TPCN1: variants seen among roughly 807,000 people sequenced by gnomAD.
The protein encoded by TPCN1 is two pore channel protein 1.
Under a neutral mutation model 108.8 loss-of-function variants are expected in TPCN1, and 52 were observed. That is an observed-to-expected ratio of 0.48 (90% CI 0.38 to 0.60). The LOEUF (loss-of-function observed/expected upper bound fraction) is 0.60, where lower values mean the gene tolerates loss of function less well. Ranked by LOEUF, TPCN1 falls within the 20% of genes least tolerant of loss-of-function variation. The pLI, the probability that TPCN1 is intolerant of heterozygous loss-of-function variation, is 0.00. For missense variants in TPCN1, 806 were observed against 1,072.8 expected (o/e 0.75, Z 3.47); for synonymous variants, 446 against 433.7 (o/e 1.03, Z -0.35).
chr12:113,292,863 A>C (rs1407639207), intron 25 of TPCN1, 71 bp from the exon 26 acceptor site: 3 of 1,547,384 alleles, frequency 1.9e-6, no homozygotes, highest in Non-Finnish European at 2.6e-6. Context: ...GGGGGCAAGG[A>C]GGTACGAGAC....
At chr12:113,242,204 T>C (rs1954167074) in intron 2 of TPCN1, among the ~76,000 whole-genome samples, 1 of 152,190 alleles carries the variant, frequency 6.6e-6, no homozygotes, top group Non-Finnish European at 1.5e-5. Flanking sequence ...AACTTGCGGT[T>C]TTGCCCATGC....
chr12:113,270,083 C>T (rs1566177875), intron 7 of TPCN1, among the ~76,000 whole-genome samples: 1 of 152,128 alleles, frequency 6.6e-6, no homozygotes, highest in East Asian at 1.9e-4. Flanking sequence ...GTAATCCCAG[C>T]TGCTTCGGAG....
rs770847356 is a variant in TPCN1 at position 113,268,774 on chromosome 12, C to T, written c.561C>T (p.Ala187=). ...TSVLVVQFVE[A]IVVLVRQMSH... ...TGCTGGTGGTGCAGTTTGTCGAGGC[C>T]ATCGTGGTGTTGGTACGGCAGATGT... Residue 187 remains alanine, a synonymous_variant, in exon 6 of 28, where the codon GCC becomes GCT. Transcript: ENST00000335509. The surrounding 1 kb of genome is among the most constrained non-coding windows in gnomAD (Gnocchi z 7.3). 16 of 1,613,962 alleles carry T rather than the reference C, an allele frequency of 9.9e-6. No homozygotes were observed. The East Asian group carries it at 3.3e-4, about 34-fold the overall frequency.
intron 2 of TPCN1, among the ~76,000 whole-genome samples, chr12:113,247,214 C>T (rs114519078): frequency 0.01 from 1,575 of 152,256 alleles, 30 homozygotes; most frequent in African/African-American, 0.036. Flanking sequence ...TTAGTTCCCA[C>T]GTGGAGGGTA....
chr12:113,277,548 A>G (rs1296199824), intron 12 of TPCN1, among the ~76,000 whole-genome samples, 184 bp downstream of exon 12: 3 of 152,210 alleles, frequency 2.0e-5, no homozygotes, highest in Non-Finnish European at 4.4e-5. Context: ...GCAAGTGACA[A>G]AAGTCCAACA....
In TPCN1 at chr12:113,273,090, T is replaced by C. The variant is rs1458699032; in HGVS notation, c.784-142T>C. ...AGGCCTCTGGACTGCATGTTTGCTCTTTCCTCTGCCTCCCTCAGGGATTCC... is the reference window on the plus strand; with the variant it reads ...AGGCCTCTGGACTGCATGTTTGCTCCTTCCTCTGCCTCCCTCAGGGATTCC... On this transcript the variant is annotated intron_variant, in intron 8 of 27. Transcript: ENST00000335509. This position sits in a 1 kb window ranked among gnomAD's most constrained non-coding sequence, Gnocchi z 4.0. The C allele has an allele frequency of 2.0e-5, 15 of 766,744 alleles. No homozygotes were observed. In the Admixed American group the frequency reaches 2.8e-4, roughly 15 times the overall value. The allele number at this position is 766,744 out of a possible 1,614,324, so 47.5% of individuals were successfully genotyped here.
In TPCN1 at chr12:113,298,583, A is replaced by C. The variant is rs1361713277; in HGVS notation, c.*2507A>C. The C allele has an allele frequency of 1.3e-5, 2 of 152,308 alleles. No individual in the cohort carries two copies. The highest frequency in any genetic ancestry group is 4.8e-5 in the African/African-American group (2 of 41,462). 9.4% of individuals were successfully genotyped at this position (152,308 alleles called of 1,614,324 possible). On this transcript the variant is annotated 3_prime_UTR_variant, in exon 28 of 28. Coordinates refer to ENST00000335509, the MANE Select transcript of TPCN1 (RefSeq NM_017901.6). ...ATTACTAAAAGAGCCTCTGCTTTGT[A>C]AACATGGCTGCTGCCTCTTGACTTC... is the stretch of plus-strand genomic sequence containing the variant.
rs1045389212 is a variant in TPCN1, at chr12:113,272,028, C to T, written c.749-630C>T. On this transcript the variant is annotated intron_variant, in intron 7 of 27. Coordinates refer to ENST00000335509, the MANE Select transcript of TPCN1 (RefSeq NM_017901.6). This position sits in a 1 kb window ranked among gnomAD's most constrained non-coding sequence, Gnocchi z 4.1. ...GCCAGGGCCAACCCCTCCCGGCCCT[C>T]GTGACTGCCTTGTCCTGAGTCATGG... Among the ~76,000 whole-genome samples, 3 of 152,218 alleles carry T rather than the reference C, an allele frequency of 2.0e-5. No homozygotes were observed. Among genetic ancestry groups the T allele is most frequent in the African/African-American group, 7.2e-5 (3 of 41,446 alleles).
intron 10 of TPCN1, among the ~76,000 whole-genome samples, chr12:113,275,642 G>A (rs534227751): frequency 1.3e-5 from 2 of 149,166 alleles, no homozygotes; most frequent in South Asian, 2.1e-4. Context: ...GCGCGATCTC[G>A]GCTCACTACA....
At chr12:113,265,766 G>C (rs1474160933) in intron 3 of TPCN1, among the ~76,000 whole-genome samples, 1 of 151,872 alleles carries the variant, frequency 6.6e-6, no homozygotes, top group East Asian at 1.9e-4. Flanking sequence ...CCAAAGTGTT[G>C]GGATTACAGG....
chr12:113,266,465 T>A lies in TPCN1; in HGVS notation c.414+109T>A. On this transcript the variant is annotated intron_variant, in intron 4 of 27. Coordinates refer to ENST00000335509, the MANE Select transcript of TPCN1 (RefSeq NM_017901.6). The surrounding 1 kb of genome is among the most constrained non-coding windows in gnomAD (Gnocchi z 4.2). ...GGAGGGCAAACACTGCAAACGGACTTAAAACAGAGAGATACGAGGTGGTCA... is the reference window on the plus strand; with the variant it reads ...GGAGGGCAAACACTGCAAACGGACTAAAAACAGAGAGATACGAGGTGGTCA... 1 of 1,418,030 alleles carries A rather than the reference T, an allele frequency of 7.1e-7. No homozygotes were observed. The highest frequency in any genetic ancestry group is 9.6e-7 in the Non-Finnish European group (1 of 1,039,412). 87.8% of individuals were successfully genotyped at this position (1,418,030 alleles called of 1,614,324 possible).
Position 113,277,031 on chromosome 12 carries a change from A to G in TPCN1, c.1055A>G (p.Gln352Arg). The G allele has an allele frequency of 8.1e-6, 13 of 1,613,514 alleles. No homozygotes were observed. Among genetic ancestry groups the G allele is most frequent in the Non-Finnish European group, 1.1e-5 (13 of 1,179,644 alleles). Residue 352 changes from glutamine (Q) to arginine (R), a missense_variant, in exon 11 of 28, where the codon CAG (glutamine) becomes CGG (arginine). Transcript: ENST00000335509. ...IQHAYRLLIS[Q>R]RRPAGISYRQ... ...CATGCCTACCGCCTGCTCATCAGCC[A>G]GAGGGTAGGAACTATGGGCCAGGGA...
In TPCN1 at chr12:113,291,038, C is replaced by T. The variant is rs1304154952; in HGVS notation, c.1959+40C>T. On this transcript the variant is annotated intron_variant, in intron 23 of 27. Transcript: ENST00000335509. The stretch of plus-strand genomic sequence containing the variant: ...AGCTCTGGGGGTATCTTCCCGCCAG[C>T]CCTGGGGTCGGCCCTGGGTCTCCCC... The T allele has an allele frequency of 5.0e-6, 8 of 1,602,618 alleles. 1 individual carries two copies. The Admixed American group carries it at 1.2e-4, about 23-fold the overall frequency.
intron 2 of TPCN1, among the ~76,000 whole-genome samples, chr12:113,259,598 G>T (rs1954948591): frequency 6.6e-6 from 1 of 152,200 alleles, no homozygotes; most frequent in African/African-American, 2.4e-5. Flanking sequence ...TTCCCCATGT[G>T]GTGGCAGAGG....
intron 13 of TPCN1, 130 bp from the exon 14 acceptor site, chr12:113,278,639 TGTA>T (rs1955755991): frequency 1.4e-6 from 1 of 699,312 alleles, no homozygotes; most frequent in Non-Finnish European, 2.5e-6. Flanking sequence ...TGTGTTGTCA[TGTA>T]GATCCCTGAA....
intron 15 of TPCN1, among the ~76,000 whole-genome samples, chr12:113,280,717 T>C (rs943111946): frequency 1.3e-5 from 2 of 152,224 alleles, no homozygotes; most frequent in African/African-American, 2.4e-5. Flanking sequence ...TGACTACCAA[T>C]TGGATTGTGC....
At chr12:113,245,398 C>A (rs1422177672) in intron 2 of TPCN1, among the ~76,000 whole-genome samples, 1 of 122,646 alleles carries the variant, frequency 8.2e-6, no homozygotes, top group African/African-American at 3.4e-5. Context: ...GAGATCGAGA[C>A]CATCCTGGCT....
chr12:113,225,562 C>A (rs1953439609), intron 1 of TPCN1, among the ~76,000 whole-genome samples: 2 of 151,830 alleles, frequency 1.3e-5, no homozygotes, highest in Admixed American at 1.3e-4. Flanking sequence ...ATTTATTTAT[C>A]TTTATTTTAT....
Position 113,266,955 on chromosome 12 carries a change from T to G in TPCN1, c.414+599T>G, listed in dbSNP as rs1955285874. Among the ~76,000 whole-genome samples, 1 of 152,220 alleles carries G rather than the reference T, an allele frequency of 6.6e-6. No homozygotes were observed. The highest frequency in any genetic ancestry group is 6.5e-5 in the Admixed American group (1 of 15,292). The stretch of plus-strand genomic sequence containing the variant: ...ACTCAGTTTCCCTTCCTGTTTCTCC[T>G]TCTTCATGCCTGGAACTCACAGCTC... On this transcript the variant is annotated intron_variant, in intron 4 of 27. Coordinates refer to ENST00000335509, the MANE Select transcript of TPCN1 (RefSeq NM_017901.6). This position sits in a 1 kb window ranked among gnomAD's most constrained non-coding sequence, Gnocchi z 4.2.
Sources: allele counts gnomAD v4.1 joint callset (sites outside exome capture counted in the v4.1 genomes callset), GRCh38; gene constraint gnomAD v4.1.1; non-coding constraint Gnocchi (gnomAD v3.1); transcripts MANE v1.5; gene names NCBI Gene and HGNC (gene_info 2026-07-23, HGNC 2026-07-21).